CFAP65: variants seen among roughly 807,000 people sequenced by gnomAD.
CFAP65 encodes cilia and flagella associated protein 65.
In CFAP65, 155 loss-of-function variants were observed where a neutral mutation model predicts 208.0. The observed-to-expected ratio is 0.75, with a 90% CI of 0.65 to 0.85. The LOEUF is 0.85. CFAP65 is among the 40% of genes least tolerant of loss of function. CFAP65 has a pLI of 0.00. For missense variants in CFAP65, 2,294 were observed against 2,451.3 expected (o/e 0.94, Z 1.36); for synonymous variants, 970 against 986.3 (o/e 0.98, Z 0.31).
chr2:219,011,945 C>T (rs892842401), intron 24 of CFAP65, among the ~76,000 whole-genome samples: 4 of 152,152 alleles, frequency 2.6e-5, no homozygotes, highest in Non-Finnish European at 5.9e-5. Context: ...GGAGGTGATT[C>T]GGCCACAAGG....
At position 219,028,337 on chromosome 2, in the gene CFAP65, T is replaced by A. The variant is rs1392529499; in HGVS notation, c.1715A>T (p.Lys572Met). 1 of 1,613,944 alleles carries A rather than the reference T, an allele frequency of 6.2e-7. No individual in the cohort carries two copies. The highest frequency in any genetic ancestry group is 1.1e-5 in the South Asian group (1 of 91,064). Residue 572 changes from lysine to methionine, a missense_variant, in exon 12 of 35, where the codon AAG becomes ATG. By Grantham distance (95) the Lys-to-Met change is moderately conservative (BLOSUM62 -1). This residue lies in a region of CFAP65 where 867 missense variants were observed against 1,012.6 expected (regional missense o/e 0.86). Coordinates refer to ENST00000341552, the MANE Select transcript of CFAP65 (RefSeq NM_194302.4). ...GCGGTACCAGGTGAGGTGCTGAGGC[T>A]TCAGGATGGCTGGCTTGGTGCTGTC... ...HSDSTKPAIL[K>M]PQHLTWYRTH... is the part of the protein sequence containing the mutation.
Position 219,006,307 on chromosome 2 carries a change from A to G in CFAP65, c.4720-84T>C. 2.0e-6 allele frequency: 3 copies of G among 1,505,856 alleles called. 1 individual carries two copies. The highest frequency in any genetic ancestry group is 2.4e-5 in the South Asian group (2 of 83,028). 93.3% of individuals were successfully genotyped at this position (1,505,856 alleles called of 1,614,324 possible). A position where few individuals can be genotyped will look rare whatever the true frequency, so the allele number is the denominator to read the frequency against. On this transcript the variant is annotated intron_variant, in intron 30 of 34. Transcript: ENST00000341552. The stretch of plus-strand genomic sequence containing the variant: ...TGGGGTCCCTTGACCTAGTTCCCCC[A>G]CAGGCTCTTTGGGCCACATAAGCGT...
In CFAP65 at chr2:219,037,070, C is replaced by T. The variant is rs550982719; in HGVS notation, c.357+1305G>A. 2.6e-5 allele frequency among the ~76,000 whole-genome samples: 4 copies of T among 152,232 alleles called. No homozygotes were observed. The East Asian group carries it at 7.7e-4, about 29-fold the overall frequency. On this transcript the variant is annotated intron_variant, in intron 4 of 34. Coordinates refer to ENST00000341552, the MANE Select transcript of CFAP65 (RefSeq NM_194302.4). ...ATCAGTCAGTGTCTAGGCAGGAAAA[C>T]GGAAGCCACTCTGAATGTTTAAAAT...
rs200545895 is a variant in CFAP65, at chr2:219,021,227, T to G, written c.3184A>C (p.Ile1062Leu). 1.2e-5 allele frequency: 20 copies of G among 1,608,470 alleles called. No homozygotes were observed. The highest frequency in any genetic ancestry group is 1.6e-5 in the Non-Finnish European group (19 of 1,177,248). ...GSMPPRSQDTICLTACPKQRS... is the reference protein window; with the variant it reads ...GSMPPRSQDTLCLTACPKQRS... ...TGCTTGGGACAGGCAGTCAGGCAGA[T>G]GGTGTCCTGGGACCGGGGTGGCATG... Residue 1062 changes from isoleucine (I) to leucine (L), a missense_variant, in exon 19 of 35, where the codon ATC becomes CTC. Ile to Leu is a conservative substitution (Grantham distance 5). This residue lies in a region of CFAP65 where 1,427 missense variants were observed against 1,438.7 expected (regional missense o/e 0.99). Coordinates refer to ENST00000341552, the MANE Select transcript of CFAP65 (RefSeq NM_194302.4).
intron 14 of CFAP65, among the ~76,000 whole-genome samples, chr2:219,024,495 G>A (rs1439032409): frequency 9.2e-5 from 13 of 141,286 alleles, no homozygotes; most frequent in Admixed American, 2.8e-4. Context: ...GCAGGGGGGC[G>A]GGGGCACAGG....
At chr2:219,020,928 A>T (rs1947224701) in intron 19 of CFAP65, among the ~76,000 whole-genome samples, 1 of 152,192 alleles carries the variant, frequency 6.6e-6, no homozygotes, top group Non-Finnish European at 1.5e-5. Flanking sequence ...ATAAGTCAGC[A>T]CAGCTCCTAA....
intron 5 of CFAP65, chr2:219,035,188 T>C (rs1350502218): frequency 3.8e-6 from 3 of 793,084 alleles, no homozygotes; most frequent in East Asian, 5.5e-5. Context: ...CTTGTACTTA[T>C]GTAACTGGAC....
At chr2:219,009,695 A>G (rs1430517190) in intron 27 of CFAP65, among the ~76,000 whole-genome samples, 13 of 45,568 alleles carry the variant, frequency 2.9e-4, no homozygotes, top group African/African-American at 5.5e-4. Context: ...GTGGGGTGGG[A>G]TGGGATGGAG....
At chr2:219,024,343 G>A in intron 14 of CFAP65, 83 bp from the exon 15 acceptor site, 21 of 1,510,270 alleles carry the variant, frequency 1.4e-5, no homozygotes, top group Non-Finnish European at 1.9e-5. Flanking sequence ...GGGGGCTTGG[G>A]AGGAGCTGTC....
chr2:219,027,534 C>G, intron 13 of CFAP65, 116 bp downstream of exon 13: 1 of 1,611,968 alleles, frequency 6.2e-7, no homozygotes. Flanking sequence ...AAGAGAAAGC[C>G]TGGCACGCAG....
At position 219,004,774 on chromosome 2, in the gene CFAP65, C is replaced by T. The variant is rs370988123; in HGVS notation, c.5052-319G>A. Among the ~76,000 whole-genome samples the T allele has an allele frequency of 1.0e-3, 140 of 140,604 alleles. 1 individual carries two copies. Among genetic ancestry groups the T allele is most frequent in the African/African-American group, 3.6e-3 (136 of 37,866 alleles). 92.2% of individuals were successfully genotyped at this position (140,604 alleles called of 152,430 possible). ...ATGGGGCAGAACTCAGGATCCAGACCTGAGAATCCCTCCAGCCAGCTCCAT... is the reference window on the plus strand; with the variant it reads ...ATGGGGCAGAACTCAGGATCCAGACTTGAGAATCCCTCCAGCCAGCTCCAT... On this transcript the variant is annotated intron_variant, in intron 32 of 34. Coordinates refer to ENST00000341552, the MANE Select transcript of CFAP65 (RefSeq NM_194302.4). This position sits in a 1 kb window ranked among gnomAD's most constrained non-coding sequence, Gnocchi z 4.7.
rs750511867 is a variant in CFAP65, at chr2:219,004,103, TCTC to T, written c.5401_5403del (p.Glu1801del). The T allele has an allele frequency of 1.2e-6, 2 of 1,613,542 alleles. No individual in the cohort carries two copies. The highest frequency in any genetic ancestry group is 1.7e-6 in the Non-Finnish European group (2 of 1,179,944). Reference sequence around the variant, plus strand: ...CTCACTTTCTCTTCCTTCTCATCCCTCTCCTCCTCCTTCTCCTCTATCTCCTCC... The same window carrying T: ...CTCACTTTCTCTTCCTTCTCATCCCTCTCCTCCTTCTCCTCTATCTCCTCC... On this transcript the variant is annotated inframe_deletion, in exon 33 of 35. Coordinates refer to ENST00000341552, the MANE Select transcript of CFAP65 (RefSeq NM_194302.4). The surrounding 1 kb of genome is among the most constrained non-coding windows in gnomAD (Gnocchi z 4.7).
chr2:219,009,632 GGGATGGGATGGGATGGGATGGGATA>G, intron 27 of CFAP65, among the ~76,000 whole-genome samples, 172 bp from the exon 28 acceptor site: 1 of 120,958 alleles, frequency 8.3e-6, no homozygotes, highest in African/African-American at 4.2e-5. Flanking sequence ...GGGATGGGAT[GGGATGGGATGGGATGGGATGGGATA>G]GGATGGGGTG....
rs548193482 is a variant in CFAP65 at position 219,023,216 on chromosome 2, G to A, written c.2811C>T (p.Asn937=). 80 of 1,611,612 alleles carry A rather than the reference G, an allele frequency of 5.0e-5. No homozygotes were observed. The highest frequency in any genetic ancestry group is 1.4e-4 in the South Asian group (13 of 90,704). Residue 937 remains asparagine, a synonymous_variant, in exon 16 of 35, where the codon AAC becomes AAT. Transcript: ENST00000341552. ...GAGGGGAGCCACTCACAAGTCTCTC[G>A]TTGGGCTGGATTAGCCCCCTGGAGG... ...VQPSRGLIQP[N]ERLTLTWTFS... is the part of the protein sequence containing the mutation.
At position 219,021,800 on chromosome 2, in the gene CFAP65, G is replaced by A. The variant is rs1360910897; in HGVS notation, c.3110C>T (p.Ala1037Val). ...AGTACCGAGGGGGTGGTTGTCAACG[G>A]CCTCAGGGCTGCCCTGCTCCAGGTA... ...RLYLEQGSPE[A>V]VDNHPLALQL... The change falls in exon 18 of 35, where the codon GCC (alanine) becomes GTC (valine). Residue 1037 changes from alanine to valine, a missense_variant. Physicochemically the swap from Ala to Val is moderately conservative, Grantham distance 64. Coordinates refer to ENST00000341552, the MANE Select transcript of CFAP65 (RefSeq NM_194302.4). The A allele has an allele frequency of 4.3e-6, 7 of 1,613,662 alleles. No individual in the cohort carries two copies. Among genetic ancestry groups the A allele is most frequent in the African/African-American group, 4.0e-5 (3 of 75,040 alleles).
In CFAP65 at chr2:219,004,831, G is replaced by C. The variant is rs1016950581; in HGVS notation, c.5052-376C>G. Among the ~76,000 whole-genome samples the C allele has an allele frequency of 5.7e-4, 69 of 120,678 alleles. 3 individuals are homozygous for C. The highest frequency in any genetic ancestry group is 2.2e-3 in the African/African-American group (58 of 26,918). 79.2% of individuals were successfully genotyped at this position (120,678 alleles called of 152,430 possible). Reference sequence around the variant, plus strand: ...CCCACTGTCCTGGGGTGGGGGGGCCGGGGGGGGGGACCGTGGTGGGATCTT... The same window carrying C: ...CCCACTGTCCTGGGGTGGGGGGGCCCGGGGGGGGGACCGTGGTGGGATCTT... On this transcript the variant is annotated intron_variant, in intron 32 of 34. Transcript: ENST00000341552. The surrounding 1 kb of genome is among the most constrained non-coding windows in gnomAD (Gnocchi z 4.7).
intron 24 of CFAP65, among the ~76,000 whole-genome samples, chr2:219,011,878 C>G (rs1001311680): frequency 9.2e-5 from 14 of 152,206 alleles, no homozygotes; most frequent in Admixed American, 9.2e-4. Flanking sequence ...CTTGTGTCCC[C>G]ACAAAATCCA....
chr2:219,032,374 G>A lies in CFAP65; in HGVS notation c.645+96C>T, dbSNP rs1410022782. 9.4e-7 allele frequency: 1 copy of A among 1,061,558 alleles called. No individual in the cohort carries two copies. The highest frequency in any genetic ancestry group is 1.6e-5 in the African/African-American group (1 of 63,200). The allele number at this position is 1,061,558 out of a possible 1,614,324, so 65.8% of individuals were successfully genotyped here. On this transcript the variant is annotated intron_variant, in intron 6 of 34. Coordinates refer to ENST00000341552, the MANE Select transcript of CFAP65 (RefSeq NM_194302.4). This position sits in a 1 kb window ranked among gnomAD's most constrained non-coding sequence, Gnocchi z 5.5. Reference sequence around the variant, plus strand: ...CTGCTGGAGCGGGCAGCATGTGTGTGTGCCGGGGCGCTCCTGGTTGCTCTG... The same window carrying A: ...CTGCTGGAGCGGGCAGCATGTGTGTATGCCGGGGCGCTCCTGGTTGCTCTG...
In CFAP65 at chr2:219,031,091, G is replaced by T; in HGVS notation, c.1015+15C>A. ...GGAGGGGCCAGTCTGGGGACGGTGG[G>T]AGGTTGGGCCTCACCCACAGCCTGC... is the stretch of plus-strand genomic sequence containing the variant. On this transcript the variant is annotated intron_variant, in intron 8 of 34. Transcript: ENST00000341552. The surrounding 1 kb of genome is among the most constrained non-coding windows in gnomAD (Gnocchi z 5.2). 1 of 1,571,054 alleles carries T rather than the reference G, an allele frequency of 6.4e-7. No homozygotes were observed.
Sources: allele counts gnomAD v4.1 joint callset (sites outside exome capture counted in the v4.1 genomes callset), GRCh38; gene constraint gnomAD v4.1.1; regional missense constraint gnomAD v4.1.1; non-coding constraint Gnocchi (gnomAD v3.1); transcripts MANE v1.5; gene names NCBI Gene and HGNC (gene_info 2026-07-23, HGNC 2026-07-21).